Variants in BARD1 observed in about 807,000 individuals in gnomAD.
BARD1 encodes BRCA1-associated RING domain protein 1.
Under a neutral mutation model 77.0 loss-of-function variants are expected in BARD1, and 73 were observed. The observed-to-expected ratio is 0.95, with a 90% CI of 0.79 to 1.15. The LOEUF (loss-of-function observed/expected upper bound fraction) is 1.15, where lower values mean the gene tolerates loss of function less well. Ranked by LOEUF, BARD1 falls within the 50% of genes most tolerant of loss-of-function variation. BARD1 has a pLI of 0.00. For missense variants in BARD1, 993 were observed against 938.8 expected, an observed-to-expected ratio of 1.06 and a Z score of -0.75; for synonymous variants, 384 against 338.0, an observed-to-expected ratio of 1.14 and a Z score of -1.49.
chr2:214,780,482 C>T (rs943563066), intron 4 of BARD1, 78 bp downstream of exon 4: 7 of 1,238,108 alleles, frequency 5.7e-6, no homozygotes, highest in Middle Eastern at 1.9e-4. Flanking sequence ...TAATCCTATG[C>T]CATTTTTCAA....
intron 7 of BARD1, among the ~76,000 whole-genome samples, chr2:214,751,828 G>A (rs990563176): frequency 6.6e-5 from 10 of 152,098 alleles, no homozygotes; most frequent in African/African-American, 2.4e-4. Context: ...CACTTCATAT[G>A]TAATCTATCC....
intron 9 of BARD1, among the ~76,000 whole-genome samples, chr2:214,744,517 T>C (rs541046399): frequency 1.3e-5 from 2 of 152,350 alleles, no homozygotes; most frequent in South Asian, 2.1e-4. Context: ...ATGTACTCCA[T>C]TTACTTTTCA....
At chr2:214,751,143 ATATATATATTTTT>A (rs1559393222) in intron 7 of BARD1, among the ~76,000 whole-genome samples, 34 of 21,022 alleles carry the variant, frequency 1.6e-3, no homozygotes, top group African/African-American at 3.8e-3. Flanking sequence ...ATATATATAT[ATATATATATTTTT>A]TTTTTTTTTT....
At chr2:214,740,018 A>T (rs1692745548) in intron 9 of BARD1, among the ~76,000 whole-genome samples, 2 of 152,072 alleles carry the variant, frequency 1.3e-5, no homozygotes, top group South Asian at 4.1e-4. Flanking sequence ...CAAAATATCA[A>T]AATAGTCTAT....
intron 6 of BARD1, among the ~76,000 whole-genome samples, chr2:214,762,928 T>C (rs1694027490): frequency 1.4e-5 from 2 of 138,382 alleles, no homozygotes; most frequent in Admixed American, 1.6e-4. Context: ...TTGACTCTCA[T>C]CACTCCTTTC....
chr2:214,746,392 TAGG>T (rs926065197), intron 7 of BARD1, among the ~76,000 whole-genome samples: 5 of 152,220 alleles, frequency 3.3e-5, no homozygotes, highest in African/African-American at 7.2e-5. Flanking sequence ...ATTCAAAACT[TAGG>T]AGATCAGATC....
intron 6 of BARD1, among the ~76,000 whole-genome samples, chr2:214,765,388 C>G (rs1694148996): frequency 1.3e-5 from 2 of 152,162 alleles, no homozygotes; most frequent in Admixed American, 1.3e-4. Context: ...ACAAGACAGG[C>G]TCTGTGTTTT....
At chr2:214,790,360 T>G (rs1200333443) in intron 3 of BARD1, among the ~76,000 whole-genome samples, 1 of 152,068 alleles carries the variant, frequency 6.6e-6, no homozygotes, top group South Asian at 2.1e-4. Flanking sequence ...CTAGCTAAAA[T>G]GAAGCGATAC....
Position 214,792,691 on chromosome 2 carries a change from CAAAT to C in BARD1, c.216-250_216-247del, listed in dbSNP as rs942065535. On this transcript the variant is annotated intron_variant, in intron 2 of 10. Transcript: ENST00000260947. ...TTATTAGTCTGCATAATTTTCCCTA[CAAAT>C]AAATCTGTAGCTTCTAAAGGTTACA... Among the ~76,000 whole-genome samples, 13 of 152,226 alleles carry C rather than the reference CAAAT, an allele frequency of 8.5e-5. No homozygotes were observed. In the East Asian group the frequency reaches 2.3e-3, roughly 27 times the overall value.
chr2:214,768,762 T>C (rs4234007), intron 5 of BARD1, among the ~76,000 whole-genome samples: 56,454 of 152,106 alleles, frequency 0.37, 10,603 homozygotes, highest in Middle Eastern at 0.44. Flanking sequence ...TAAAAATGTT[T>C]AATGTAAGCA....
At chr2:214,794,871 GAATT>G (rs111340180) in intron 2 of BARD1, among the ~76,000 whole-genome samples, 8 of 152,286 alleles carry the variant, frequency 5.3e-5, no homozygotes, top group African/African-American at 1.9e-4. Flanking sequence ...TGCACTGAAT[GAATT>G]CTTTCCTACG....
chr2:214,729,910 G>A (rs970434267), intron 10 of BARD1, among the ~76,000 whole-genome samples: 13 of 152,132 alleles, frequency 8.5e-5, no homozygotes, highest in African/African-American at 2.7e-4. Flanking sequence ...GGGCACAAAA[G>A]ATTTTTGTGC....
At chr2:214,730,946 G>A (rs780088231) in intron 9 of BARD1, 28 of 455,150 alleles carry the variant, frequency 6.2e-5, no homozygotes, top group South Asian at 3.0e-4. Flanking sequence ...ATGTCTAATC[G>A]TCTGTTAAAC....
At chr2:214,732,595 T>C (rs898695917) in intron 9 of BARD1, among the ~76,000 whole-genome samples, 4 of 152,160 alleles carry the variant, frequency 2.6e-5, no homozygotes, top group African/African-American at 9.6e-5. Flanking sequence ...CAGGCTTTCA[T>C]CGCGTTAGCC....
At chr2:214,730,622 GTAT>G in intron 9 of BARD1, 114 bp from the exon 10 acceptor site, 1 of 815,740 alleles carries the variant, frequency 1.2e-6, no homozygotes, top group East Asian at 2.6e-5. Flanking sequence ...CAGTTTTTAA[GTAT>G]TATTCTAAAA....
intron 2 of BARD1, among the ~76,000 whole-genome samples, chr2:214,794,586 T>TTCG (rs34637381): frequency 9.7e-5 from 1 of 10,272 alleles, no homozygotes; most frequent in African/African-American, 2.5e-4. Context: ...TTTAAATTAA[T>TTCG]TTTTTTAAAA....
intron 3 of BARD1, 147 bp downstream of exon 3, chr2:214,792,150 T>TTA: frequency 1.8e-6 from 1 of 569,338 alleles, no homozygotes; most frequent in Non-Finnish European, 2.7e-6. Context: ...AATGGCTATT[T>TTA]AAAAAAAAAA....
At chr2:214,748,167 G>A (rs1693229240) in intron 7 of BARD1, among the ~76,000 whole-genome samples, 1 of 152,144 alleles carries the variant, frequency 6.6e-6, no homozygotes, top group Non-Finnish European at 1.5e-5. Context: ...AGTGGGTCAA[G>A]TATTTTCCTA....
chr2:214,729,585 G>C (rs568960368), intron 10 of BARD1, among the ~76,000 whole-genome samples: 1 of 151,920 alleles, frequency 6.6e-6, no homozygotes, highest in African/African-American at 2.4e-5. Context: ...TCACCATCTC[G>C]GTTCCTTTTC....
Sources: allele counts gnomAD v4.1 joint callset (sites outside exome capture counted in the v4.1 genomes callset), GRCh38; gene constraint gnomAD v4.1.1; transcripts MANE v1.5; gene names NCBI Gene and HGNC (gene_info 2026-07-23, HGNC 2026-07-21).